ACVR1C: variants seen among roughly 807,000 people sequenced by gnomAD.
ACVR1C encodes the protein activin A receptor type 1C.
ACVR1C carries 23 observed loss-of-function variants against 57.9 expected under a neutral mutation model. The observed-to-expected ratio is 0.40, with a 90% confidence interval of 0.29 to 0.56. The LOEUF is 0.56. ACVR1C is among the 20% of genes least tolerant of loss of function. ACVR1C has a pLI of 0.50. For missense variants in ACVR1C, 480 were observed against 607.9 expected (o/e 0.79, Z 2.21); for synonymous variants, 214 against 215.3 (o/e 0.99, Z 0.05).
intron 1 of ACVR1C, among the ~76,000 whole-genome samples, chr2:157,611,550 G>C (rs1411135959): frequency 1.3e-5 from 2 of 152,106 alleles, no homozygotes; most frequent in Admixed American, 1.3e-4. Context: ...TGGGTTCTTG[G>C]GCCCCTGGGC....
Position 157,566,273 on chromosome 2 carries a change from C to G in ACVR1C, c.305-9941G>C, listed in dbSNP as rs912104595. On this transcript the variant is annotated intron_variant, in intron 2 of 8. Coordinates refer to ENST00000243349, the MANE Select transcript of ACVR1C (RefSeq NM_145259.3). ...CCAGCACATAGTACAGAGCTATATT[C>G]ACAGAAGACACTTAAAATACTGATG... 8.5e-5 allele frequency among the ~76,000 whole-genome samples: 13 copies of G among 152,314 alleles called. No homozygotes were observed. In the South Asian group the frequency reaches 2.7e-3, roughly 32 times the overall value.
At chr2:157,608,901 T>C (rs1322976319) in intron 1 of ACVR1C, among the ~76,000 whole-genome samples, 1 of 151,954 alleles carries the variant, frequency 6.6e-6, no homozygotes, top group Non-Finnish European at 1.5e-5. Context: ...GACTTTTGTT[T>C]ATCTTTTCAA....
intron 1 of ACVR1C, among the ~76,000 whole-genome samples, chr2:157,598,692 A>G (rs548754749): frequency 6.6e-6 from 1 of 151,880 alleles, no homozygotes; most frequent in African/African-American, 2.4e-5. Context: ...GGCGCTCACC[A>G]CCCACCAGGC....
intron 2 of ACVR1C, among the ~76,000 whole-genome samples, chr2:157,565,240 G>A (rs1688336435): frequency 6.6e-6 from 1 of 152,110 alleles, no homozygotes; most frequent in African/African-American, 2.4e-5. Context: ...ACTGCACTTT[G>A]ATAGGAATTT....
chr2:157,592,779 T>G (rs573035417), intron 1 of ACVR1C, among the ~76,000 whole-genome samples: 1 of 152,144 alleles, frequency 6.6e-6, no homozygotes, highest in Non-Finnish European at 1.5e-5. Flanking sequence ...TTTCATATTT[T>G]GTCTCTTTCA....
intron 7 of ACVR1C, among the ~76,000 whole-genome samples, chr2:157,540,492 T>C (rs759487481): frequency 2.6e-5 from 4 of 152,104 alleles, no homozygotes; most frequent in Non-Finnish European, 4.4e-5. Flanking sequence ...GAGACAGGTT[T>C]CTCCACGTTG....
At chr2:157,572,825 A>G (rs1237515378) in intron 2 of ACVR1C, among the ~76,000 whole-genome samples, 1 of 152,130 alleles carries the variant, frequency 6.6e-6, no homozygotes, top group Admixed American at 6.6e-5. Context: ...TTAGGGGGGA[A>G]AAAAGCCTGT....
intron 1 of ACVR1C, among the ~76,000 whole-genome samples, chr2:157,611,794 G>A (rs972503360): frequency 1.3e-5 from 2 of 152,124 alleles, no homozygotes; most frequent in African/African-American, 4.8e-5. Context: ...AATGGGCAGG[G>A]AGATCCAGAT....
In ACVR1C at chr2:157,628,843, G is replaced by T. The variant is rs1320065422; in HGVS notation, c.-199C>A. 1 of 360,340 alleles carries T rather than the reference G, an allele frequency of 2.8e-6. No homozygotes were observed. The highest frequency in any genetic ancestry group is 4.8e-5 in the Admixed American group (1 of 20,958). 22.3% of individuals were successfully genotyped at this position (360,340 alleles called of 1,614,324 possible). A position where few individuals can be genotyped will look rare whatever the true frequency, so the allele number is the denominator to read the frequency against. ...CCATCCCACGCCCCCTGCGGCTGGC[G>T]GTGCGCGGCGCTCCTGCCACTGGCC... On this transcript the variant is annotated 5_prime_UTR_variant, in exon 1 of 9. Coordinates refer to ENST00000243349, the MANE Select transcript of ACVR1C (RefSeq NM_145259.3).
chr2:157,623,722 A>G (rs1011964086), intron 1 of ACVR1C, among the ~76,000 whole-genome samples: 1 of 152,164 alleles, frequency 6.6e-6, no homozygotes, highest in East Asian at 1.9e-4. Context: ...TAATAATTAC[A>G]TATTTTAAAA....
At chr2:157,539,955 G>T (rs943710963) in intron 7 of ACVR1C, among the ~76,000 whole-genome samples, 2 of 152,158 alleles carry the variant, frequency 1.3e-5, no homozygotes, top group African/African-American at 4.8e-5. Context: ...AGTCTGCAAG[G>T]TTTTTTAAAA....
chr2:157,540,851 C>T (rs1687609558), intron 7 of ACVR1C, among the ~76,000 whole-genome samples: 1 of 152,164 alleles, frequency 6.6e-6, no homozygotes, highest in Non-Finnish European at 1.5e-5. Context: ...TAAAGTGTCA[C>T]ATGGAAACAA....
chr2:157,554,160 G>A (rs539842031), intron 3 of ACVR1C, among the ~76,000 whole-genome samples: 2 of 137,110 alleles, frequency 1.5e-5, no homozygotes, highest in East Asian at 2.3e-4. Context: ...TCCAGCCTAG[G>A]TAACAGGGTG....
At chr2:157,586,317 T>C (rs1688920432) in intron 2 of ACVR1C, among the ~76,000 whole-genome samples, 1 of 152,102 alleles carries the variant, frequency 6.6e-6, no homozygotes, top group East Asian at 1.9e-4. Context: ...AAAAGTACTT[T>C]AGTGGTATAC....
chr2:157,583,363 G>A (rs901879798), intron 2 of ACVR1C, among the ~76,000 whole-genome samples: 1 of 152,038 alleles, frequency 6.6e-6, no homozygotes, highest in African/African-American at 2.4e-5. Context: ...GCACTGCTAA[G>A]AGTAACTGGA....
At chr2:157,546,030 C>A (rs1020108632) in intron 4 of ACVR1C, among the ~76,000 whole-genome samples, 2 of 152,274 alleles carry the variant, frequency 1.3e-5, no homozygotes, top group Middle Eastern at 3.4e-3. Context: ...GATCCACCCA[C>A]CTTGGCCTCC....
chr2:157,531,301 T>C lies in ACVR1C; in HGVS notation c.*2617A>G, dbSNP rs1415725029. 1.3e-5 allele frequency: 2 copies of C among 151,978 alleles called. No individual in the cohort carries two copies. The highest frequency in any genetic ancestry group is 2.9e-5 in the Non-Finnish European group (2 of 67,936). 9.4% of individuals were successfully genotyped at this position (151,978 alleles called of 1,614,324 possible). The stretch of plus-strand genomic sequence containing the variant: ...TTTCCTTATCATTTTTGCTGCTCTA[T>C]TCCCTTTCTTAAAAAATGTATTTTG... On this transcript the variant is annotated 3_prime_UTR_variant, in exon 9 of 9. Transcript: ENST00000243349.
At chr2:157,615,630 C>G (rs1682628803) in intron 1 of ACVR1C, among the ~76,000 whole-genome samples, 1 of 152,050 alleles carries the variant, frequency 6.6e-6, no homozygotes, top group Admixed American at 6.5e-5. Context: ...TCCACCTTGG[C>G]CTCCCAAAGT....
chr2:157,625,435 T>TG, intron 1 of ACVR1C, among the ~76,000 whole-genome samples: 1 of 152,144 alleles, frequency 6.6e-6, no homozygotes, highest in African/African-American at 2.4e-5. Flanking sequence ...TTGCCACATC[T>TG]GTGTCAATCA....
Sources: allele counts gnomAD v4.1 joint callset (sites outside exome capture counted in the v4.1 genomes callset), GRCh38; gene constraint gnomAD v4.1.1; transcripts MANE v1.5; gene names NCBI Gene and HGNC (gene_info 2026-07-23, HGNC 2026-07-21).